Variants in CUX2 observed in about 807,000 individuals in gnomAD.
CUX2 encodes cut like homeobox 2, also known as homeobox protein cut-like 2.
CUX2 carries 40 observed loss-of-function variants against 144.8 expected under a neutral mutation model. That is an observed-to-expected ratio of 0.28 (90% CI 0.21 to 0.36). CUX2 has a LOEUF of 0.36. CUX2 is among the 10% of genes least tolerant of loss of function. The pLI, the probability that CUX2 is intolerant of heterozygous loss-of-function variation, is 1.00. For missense variants in CUX2, 1,615 were observed against 1,994.0 expected (o/e 0.81, Z 3.62); for synonymous variants, 827 against 875.6 (o/e 0.94, Z 0.98).
intron 4 of CUX2, among the ~76,000 whole-genome samples, chr12:111,269,891 C>T (rs946354875): frequency 2.0e-5 from 3 of 152,092 alleles, no homozygotes; most frequent in African/African-American, 7.2e-5. Context: ...AATGCAGGGG[C>T]GGGAGAGCTG....
intron 4 of CUX2, among the ~76,000 whole-genome samples, chr12:111,282,553 G>A (rs1393326380): frequency 6.7e-6 from 1 of 148,466 alleles, no homozygotes; most frequent in Non-Finnish European, 1.5e-5. Flanking sequence ...TTGAACCCAA[G>A]AGGCGTAGGT....
At chr12:111,048,024 C>T (rs997414843) in intron 1 of CUX2, among the ~76,000 whole-genome samples, 4 of 151,996 alleles carry the variant, frequency 2.6e-5, no homozygotes, top group Non-Finnish European at 4.4e-5. Context: ...AGTCCTGGAA[C>T]CAAAGGGAGG....
chr12:111,280,117 C>T (rs1340980453), intron 4 of CUX2, among the ~76,000 whole-genome samples: 1 of 152,140 alleles, frequency 6.6e-6, no homozygotes, highest in Non-Finnish European at 1.5e-5. Context: ...AACCCCATCT[C>T]TACTAAAAAT....
At chr12:111,305,584 C>T (rs1886537888) in intron 10 of CUX2, among the ~76,000 whole-genome samples, 2 of 151,962 alleles carry the variant, frequency 1.3e-5, no homozygotes, top group Non-Finnish European at 2.9e-5. Flanking sequence ...TAGTCCCAGC[C>T]TCTTAGGAGG....
rs750649891 is a variant in CUX2, at chr12:111,312,239, G to T, written c.2002+38G>T. 6.5e-7 allele frequency: 1 copy of T among 1,537,318 alleles called. No homozygotes were observed. The highest frequency in any genetic ancestry group is 2.4e-5 in the East Asian group (1 of 41,438). On this transcript the variant is annotated intron_variant, in intron 16 of 21. Coordinates refer to ENST00000261726, the MANE Select transcript of CUX2 (RefSeq NM_015267.4). The surrounding 1 kb of genome is among the most constrained non-coding windows in gnomAD (Gnocchi z 4.3). ...CCTGCAGGCAAAGCCTGAGGCCCCC[G>T]GGGCCAGCTGCGAACAGGAGATGAG... is the stretch of plus-strand genomic sequence containing the variant.
chr12:111,157,022 C>CA (rs1877437687), intron 1 of CUX2, among the ~76,000 whole-genome samples: 1 of 93,110 alleles, frequency 1.1e-5, no homozygotes, highest in Non-Finnish European at 2.2e-5. Flanking sequence ...GAAACAGAAA[C>CA]AAAAAACAGG....
rs11065847 is a variant in CUX2, at chr12:111,261,230, G to A, written c.223-2531G>A. 8.7e-4 allele frequency among the ~76,000 whole-genome samples: 133 copies of A among 152,304 alleles called. 1 individual carries two copies. The highest frequency in any genetic ancestry group is 3.1e-3 in the African/African-American group (128 of 41,560). On this transcript the variant is annotated intron_variant, in intron 3 of 21. Transcript: ENST00000261726. ...AGTGGCTTGACGTCCTTGAGCCTCC[G>A]TTTTCTAATCTGTATGATGGGGCAG...
chr12:111,176,159 C>T (rs570445390), intron 1 of CUX2, among the ~76,000 whole-genome samples: 58 of 150,880 alleles, frequency 3.8e-4, no homozygotes, highest in Middle Eastern at 6.8e-3. Flanking sequence ...TTAAGCAATC[C>T]TCCTGCCTCA....
At position 111,307,071 on chromosome 12, in the gene CUX2, G is replaced by A. The variant is rs201601231; in HGVS notation, c.1009G>A (p.Asp337Asn). The A allele has an allele frequency of 1.2e-4, 192 of 1,613,190 alleles. No individual in the cohort carries two copies. In the East Asian group the frequency reaches 2.2e-3, roughly 19 times the overall value. Residue 337 changes from aspartate (D) to asparagine (N), a missense_variant, in exon 11 of 22, where the codon GAC becomes AAC. Physicochemically the swap from Asp to Asn is conservative, Grantham distance 23 (BLOSUM62 1). Transcript: ENST00000261726. The surrounding 1 kb of genome is among the most constrained non-coding windows in gnomAD (Gnocchi z 4.1). ...GGAGGCATCCGCCAACCAGATCGCC[G>A]ACCTGGAGCGGCAGCTCACGGCCAA... ...LEEASANQIADLERQLTAKSE... is the reference protein window; with the variant it reads ...LEEASANQIANLERQLTAKSE...
At position 111,068,951 on chromosome 12, in the gene CUX2, C is replaced by CA. The variant is rs1276008784; in HGVS notation, c.63+34717dup. Among the ~76,000 whole-genome samples, 1 of 152,030 alleles carries CA rather than the reference C, an allele frequency of 6.6e-6. No homozygotes were observed. Among genetic ancestry groups the CA allele is most frequent in the Non-Finnish European group, 1.5e-5 (1 of 67,994 alleles). ...TGAAACCCCATCTCTACTAATAATA[C>CA]AAAAAATAGCCGGACTGGGTGGCCT... On this transcript the variant is annotated intron_variant, in intron 1 of 21. Transcript: ENST00000261726. This position sits in a 1 kb window ranked among gnomAD's most constrained non-coding sequence, Gnocchi z 4.9.
At chr12:111,216,866 G>A (rs370030031) in intron 2 of CUX2, among the ~76,000 whole-genome samples, 1 of 152,182 alleles carries the variant, frequency 6.6e-6, no homozygotes, top group Non-Finnish European at 1.5e-5. Context: ...TAATGAAGGG[G>A]TTTATTCTTT....
Position 111,320,233 on chromosome 12 carries a change from C to T in CUX2, c.2224C>T (p.Pro742Ser). 6.4e-7 allele frequency: 1 copy of T among 1,572,820 alleles called. No homozygotes were observed. Among genetic ancestry groups the T allele is most frequent in the East Asian group, 2.3e-5 (1 of 43,320 alleles). The part of the protein sequence containing the change: ...SLATASQNGA[P>S]ALVKQEEGSG... ...GGCCACCGCGAGCCAGAACGGGGCC[C>T]CGGCCTTGGTGAAGCAGGAGGAGGG... is the stretch of plus-strand genomic sequence containing the variant. The change falls in exon 17 of 22, where the codon CCG (proline) becomes TCG (serine). Residue 742 changes from proline (P) to serine (S), a missense_variant. Transcript: ENST00000261726. This position sits in a 1 kb window ranked among gnomAD's most constrained non-coding sequence, Gnocchi z 8.1.
At chr12:111,101,166 G>T (rs558614732) in intron 1 of CUX2, among the ~76,000 whole-genome samples, 1 of 152,154 alleles carries the variant, frequency 6.6e-6, no homozygotes, top group South Asian at 2.1e-4. Context: ...CTCACCCCTC[G>T]TGATGAGGAC....
At chr12:111,341,423 T>C (rs1399225533) in intron 20 of CUX2, among the ~76,000 whole-genome samples, 3 of 152,212 alleles carry the variant, frequency 2.0e-5, no homozygotes, top group Non-Finnish European at 4.4e-5. Flanking sequence ...ACTGCACCGC[T>C]GTACTCCAGG....
In CUX2 at chr12:111,255,439, G is replaced by A. The variant is rs927752385; in HGVS notation, c.223-8322G>A. Among the ~76,000 whole-genome samples, 1 of 152,232 alleles carries A rather than the reference G, an allele frequency of 6.6e-6. No homozygotes were observed. Among genetic ancestry groups the A allele is most frequent in the African/African-American group, 2.4e-5 (1 of 41,454 alleles). On this transcript the variant is annotated intron_variant, in intron 3 of 21. Transcript: ENST00000261726. The surrounding 1 kb of genome is among the most constrained non-coding windows in gnomAD (Gnocchi z 4.1). ...GGGGGCCCCAGCAGACACACCTGGAGGCAGGCAGGGTTGAGTCCTGCAGCT... is the reference window on the plus strand; with the variant it reads ...GGGGGCCCCAGCAGACACACCTGGAAGCAGGCAGGGTTGAGTCCTGCAGCT...
chr12:111,171,860 C>A lies in CUX2; in HGVS notation c.64-42340C>A, dbSNP rs1488744228. On this transcript the variant is annotated intron_variant, in intron 1 of 21. Transcript: ENST00000261726. The surrounding 1 kb of genome is among the most constrained non-coding windows in gnomAD (Gnocchi z 5.0). ...CCAGATATGTGGGTCCTGGGCCTTACCTGTACCAAATAAATAACCCATTTC... is the reference window on the plus strand; with the variant it reads ...CCAGATATGTGGGTCCTGGGCCTTAACTGTACCAAATAAATAACCCATTTC... 6.6e-6 allele frequency among the ~76,000 whole-genome samples: 1 copy of A among 152,210 alleles called. No individual in the cohort carries two copies. Among genetic ancestry groups the A allele is most frequent in the African/African-American group, 2.4e-5 (1 of 41,442 alleles).
chr12:111,097,977 G>A (rs899573757), intron 1 of CUX2, among the ~76,000 whole-genome samples: 2 of 152,182 alleles, frequency 1.3e-5, no homozygotes, highest in African/African-American at 4.8e-5. Context: ...GTAAGGATTT[G>A]GGGAGTTTAG....
intron 1 of CUX2, among the ~76,000 whole-genome samples, chr12:111,137,779 C>T (rs915977151): frequency 1.3e-5 from 2 of 152,188 alleles, no homozygotes; most frequent in South Asian, 2.1e-4. Context: ...CCTCCCAAAG[C>T]GCTGGGATTA....
chr12:111,199,421 C>G (rs1042239758), intron 1 of CUX2, among the ~76,000 whole-genome samples: 4 of 152,218 alleles, frequency 2.6e-5, no homozygotes, highest in Non-Finnish European at 5.9e-5. Flanking sequence ...ATCCCCATTG[C>G]GCAGATTAGG....
Sources: allele counts gnomAD v4.1 joint callset (sites outside exome capture counted in the v4.1 genomes callset), GRCh38; gene constraint gnomAD v4.1.1; non-coding constraint Gnocchi (gnomAD v3.1); transcripts MANE v1.5; gene names NCBI Gene and HGNC (gene_info 2026-07-23, HGNC 2026-07-21).